OAS3: variants seen among roughly 807,000 people sequenced by gnomAD.
OAS3 encodes the protein 2'-5'-oligoadenylate synthetase 3, also known as 2'-5'-oligoadenylate synthase 3.
Under a neutral mutation model 113.0 loss-of-function variants are expected in OAS3, and 107 were observed. The ratio of observed to expected loss-of-function variants is 0.95; its 90% CI spans 0.81 to 1.11. The LOEUF is 1.11. Ranked by LOEUF, OAS3 falls within the 50% of genes most tolerant of loss-of-function variation. The pLI, the probability that OAS3 is intolerant of heterozygous loss-of-function variation, is 0.00. For synonymous variants in OAS3, 552 were observed against 573.6 expected, an observed-to-expected ratio of 0.96 and a Z score of 0.54; for missense variants, 1,258 against 1,389.1, an observed-to-expected ratio of 0.91 and a Z score of 1.50.
intron 1 of OAS3, among the ~76,000 whole-genome samples, chr12:112,940,339 T>C (rs1009269682): frequency 2.6e-5 from 4 of 152,192 alleles, no homozygotes; most frequent in Non-Finnish European, 4.4e-5. Context: ...CAAGCCTTGC[T>C]CCTGGAGGGC....
chr12:112,950,924 G>A lies in OAS3; in HGVS notation c.1606G>A (p.Ala536Thr). ...EALQFQLVST[A>T]LKSWTDVSLL... ...TCTGCAGTTCCAGCTGGTGTCCACA[G>A]CCCTGAAGAGCTGGACGGATGTTAG... The change falls in exon 7 of 16, where the codon GCC (alanine) becomes ACC (threonine). Residue 536 changes from alanine to threonine, a missense_variant. Transcript: ENST00000228928. 1 of 1,613,988 alleles carries A rather than the reference G, an allele frequency of 6.2e-7. No homozygotes were observed. The highest frequency in any genetic ancestry group is 8.5e-7 in the Non-Finnish European group (1 of 1,179,892).
chr12:112,941,901 G>A (rs748499521), intron 2 of OAS3, 49 bp downstream of exon 2: 51 of 1,610,656 alleles, frequency 3.2e-5, no homozygotes, highest in Non-Finnish European at 4.3e-5. Context: ...AGATCATTGG[G>A]AACAACACAG....
Position 112,965,991 on chromosome 12 carries a change from G to A in OAS3, c.2651G>A (p.Ser884Asn), listed in dbSNP as rs1593185394. The A allele has an allele frequency of 1.2e-6, 2 of 1,614,064 alleles. No homozygotes were observed. The highest frequency in any genetic ancestry group is 1.7e-6 in the Non-Finnish European group (2 of 1,179,900). The stretch of plus-strand genomic sequence containing the variant: ...ACATCCCAGACGATGCTGGACCAGA[G>A]TGTGGACTTTGATGTGCTGCCAGCC... Reference protein sequence around the residue: ...SLTSQTMLDQSVDFDVLPAFD... With the variant: ...SLTSQTMLDQNVDFDVLPAFD... The change falls in exon 12 of 16, where the codon AGT (serine) becomes AAT (asparagine). Residue 884 changes from serine (S) to asparagine (N), a missense_variant. Transcript: ENST00000228928.
chr12:112,967,961 G>A lies in OAS3; in HGVS notation c.2891G>A (p.Gly964Asp). The A allele has an allele frequency of 6.2e-7, 1 of 1,613,696 alleles. No individual in the cohort carries two copies. ...QQCTKISKGR[G>D]SLPPQHGLEL... is the part of the protein sequence containing the mutation. ...TGTACCAAGATCTCCAAGGGGAGAGGCTCCCTACCCCCACAGCACGGGCTG... is the reference window on the plus strand; with the variant it reads ...TGTACCAAGATCTCCAAGGGGAGAGACTCCCTACCCCCACAGCACGGGCTG... Residue 964 changes from glycine to aspartate, a missense_variant, in exon 14 of 16, where the codon GGC (glycine) becomes GAC (aspartate). Physicochemically the swap from Gly to Asp is moderately conservative, Grantham distance 94. Coordinates refer to ENST00000228928, the MANE Select transcript of OAS3 (RefSeq NM_006187.4).
chr12:112,962,552 G>A (rs576584585), intron 8 of OAS3, 100 bp from the exon 9 acceptor site: 33 of 1,377,708 alleles, frequency 2.4e-5, no homozygotes, highest in East Asian at 1.4e-4. Flanking sequence ...TTCTTTCTGC[G>A]CTTCTATTTT....
intron 3 of OAS3, among the ~76,000 whole-genome samples, chr12:112,946,501 C>A (rs1194887758): frequency 6.6e-6 from 1 of 152,158 alleles, no homozygotes; most frequent in Non-Finnish European, 1.5e-5. Flanking sequence ...CTGCTCCCTG[C>A]CTCCTTGGGA....
chr12:112,941,748 C>G lies in OAS3; in HGVS notation c.356C>G (p.Thr119Arg), dbSNP rs540377614. The G allele has an allele frequency of 6.2e-6, 10 of 1,613,998 alleles. No homozygotes were observed. The highest frequency in any genetic ancestry group is 3.3e-5 in the South Asian group (3 of 91,076). Reference sequence around the variant, plus strand: ...AACCCAGTCCCTGGTCTGAGACTCACGTTTCCTGAGCAGAGCGTGCCTGGG... The same window carrying G: ...AACCCAGTCCCTGGTCTGAGACTCAGGTTTCCTGAGCAGAGCGTGCCTGGG... ...WQNPVPGLRL[T>R]FPEQSVPGAL... The change falls in exon 2 of 16, where the codon ACG becomes AGG. Residue 119 changes from threonine (T) to arginine (R), a missense_variant. Transcript: ENST00000228928.
At chr12:112,948,297 G>C (rs922707855) in intron 5 of OAS3, among the ~76,000 whole-genome samples, 198 bp downstream of exon 5, 3 of 152,136 alleles carry the variant, frequency 2.0e-5, no homozygotes, top group Admixed American at 6.6e-5. Flanking sequence ...GAGGTCAGGA[G>C]TTCGAGACCA....
At chr12:112,962,987 A>C in intron 9 of OAS3, 85 bp downstream of exon 9, 1 of 1,565,604 alleles carries the variant, frequency 6.4e-7, no homozygotes, top group Middle Eastern at 1.8e-4. Flanking sequence ...GGAGGAGTCC[A>C]AGGTAGGGTT....
chr12:112,939,661 GC>G (rs1178587398), intron 1 of OAS3, among the ~76,000 whole-genome samples: 1 of 152,112 alleles, frequency 6.6e-6, no homozygotes, highest in African/African-American at 2.4e-5. Context: ...TCACCATGTT[GC>G]CCAGGCTCCG....
At chr12:112,969,383 C>T (rs1414759028) in intron 14 of OAS3, 26 of 586,136 alleles carry the variant, frequency 4.4e-5, no homozygotes, top group South Asian at 3.7e-4. Flanking sequence ...GCGGTAGCAC[C>T]GTGGTTGATT....
intron 12 of OAS3, 138 bp downstream of exon 12, chr12:112,966,167 C>A: frequency 2.2e-6 from 2 of 914,876 alleles, no homozygotes; most frequent in Non-Finnish European, 3.3e-6. Context: ...GTATGTTCAT[C>A]ACAACTTTCC....
chr12:112,972,249 A>C lies in OAS3; in HGVS notation c.*2276A>C, dbSNP rs1288709097. The C allele has an allele frequency of 6.6e-6, 1 of 152,300 alleles. No individual in the cohort carries two copies. Among genetic ancestry groups the C allele is most frequent in the African/African-American group, 2.4e-5 (1 of 41,458 alleles). The allele number at this position is 152,300 out of a possible 1,614,324, so 9.4% of individuals were successfully genotyped here. The stretch of plus-strand genomic sequence containing the variant: ...AGCAACTCAGGTGCATGATACAAGG[A>C]GAGGTTGTCATCTGGGTAGGGCAGA... On this transcript the variant is annotated 3_prime_UTR_variant, in exon 16 of 16. Coordinates refer to ENST00000228928, the MANE Select transcript of OAS3 (RefSeq NM_006187.4).
intron 3 of OAS3, chr12:112,945,370 ACT>A (rs1469024721): frequency 2.0e-5 from 3 of 152,082 alleles, no homozygotes; most frequent in African/African-American, 7.4e-5. Flanking sequence ...TTGTAAAATG[ACT>A]CTTTCATATT....
intron 6 of OAS3, among the ~76,000 whole-genome samples, chr12:112,949,688 A>G (rs2043771575): frequency 6.6e-6 from 1 of 152,042 alleles, no homozygotes; most frequent in Admixed American, 6.6e-5. Flanking sequence ...TCTTGATCTG[A>G]TGTCCTCGTC....
chr12:112,938,775 T>C, intron 1 of OAS3, 68 bp downstream of exon 1: 3 of 1,255,966 alleles, frequency 2.4e-6, no homozygotes, highest in African/African-American at 1.6e-5. Context: ...AAGCCTCACA[T>C]AGGCTTACGG....
intron 3 of OAS3, 148 bp from the exon 4 acceptor site, chr12:112,946,595 A>T: frequency 1.7e-6 from 1 of 599,412 alleles, no homozygotes; most frequent in Non-Finnish European, 2.8e-6. Context: ...AGGGCTGGTG[A>T]GAAATGCCAC....
chr12:112,952,260 A>G (rs988639560), intron 7 of OAS3, among the ~76,000 whole-genome samples: 3 of 152,174 alleles, frequency 2.0e-5, no homozygotes, highest in Admixed American at 6.5e-5. Flanking sequence ...TTCTTTTATT[A>G]TTAAGTAATA....
At chr12:112,955,429 G>C in intron 7 of OAS3, among the ~76,000 whole-genome samples, 1 of 152,144 alleles carries the variant, frequency 6.6e-6, no homozygotes, top group African/African-American at 2.4e-5. Context: ...TCCAGTTTTT[G>C]CCCATTCAGT....
Sources: allele counts gnomAD v4.1 joint callset (sites outside exome capture counted in the v4.1 genomes callset), GRCh38; gene constraint gnomAD v4.1.1; transcripts MANE v1.5; gene names NCBI Gene and HGNC (gene_info 2026-07-23, HGNC 2026-07-21).